The following KCNQ3 variants were observed in gnomAD, a reference collection of about 807,000 sequenced individuals.
The protein encoded by KCNQ3 is potassium voltage-gated channel subfamily Q member 3.
Under a neutral mutation model 92.5 loss-of-function variants are expected in KCNQ3, and 30 were observed. The observed-to-expected ratio is 0.32, with a 90% confidence interval of 0.24 to 0.44. The LOEUF (loss-of-function observed/expected upper bound fraction) is 0.44, where lower values mean the gene tolerates loss of function less well. Ranked by LOEUF, KCNQ3 falls within the 20% of genes least tolerant of loss-of-function variation. The pLI is 1.00. For synonymous variants in KCNQ3, 450 were observed against 468.8 expected (o/e 0.96, Z 0.52); for missense variants, 913 against 1,140.3 (o/e 0.80, Z 2.87).
intron 1 of KCNQ3, among the ~76,000 whole-genome samples, chr8:132,245,467 G>A (rs1476163757): frequency 1.3e-5 from 2 of 152,080 alleles, no homozygotes; most frequent in Non-Finnish European, 2.9e-5. Flanking sequence ...CATCTAATGT[G>A]TTTAGCATAT....
In KCNQ3 at chr8:132,193,034, A is replaced by G. The variant is rs1827204850; in HGVS notation, c.387-6853T>C. ...AGTTCTTTTCCTCTCCTTCTCCTGC[A>G]TCCTTTCCTCCACTGCTCCTCTCCT... is the stretch of plus-strand genomic sequence containing the variant. On this transcript the variant is annotated intron_variant, in intron 1 of 14. Transcript: ENST00000388996. 2.0e-5 allele frequency among the ~76,000 whole-genome samples: 3 copies of G among 151,922 alleles called. No homozygotes were observed. The South Asian group carries it at 6.2e-4, about 32-fold the overall frequency.
chr8:132,262,634 G>GTTTTTTT (rs10629932), intron 1 of KCNQ3, among the ~76,000 whole-genome samples: 1 of 141,818 alleles, frequency 7.1e-6, no homozygotes, highest in Non-Finnish European at 1.5e-5. Context: ...TCTTACAGCA[G>GTTTTTTT]TTTTTTTTTT....
intron 1 of KCNQ3, among the ~76,000 whole-genome samples, chr8:132,346,326 C>A (rs1818688417): frequency 6.6e-6 from 1 of 152,194 alleles, no homozygotes; most frequent in Admixed American, 6.5e-5. Context: ...TTTTCTCTGG[C>A]TACATTTCTT....
chr8:132,140,202 A>G lies in KCNQ3; in HGVS notation c.1466-24T>C, dbSNP rs758701384. 15 of 1,564,970 alleles carry G rather than the reference A, an allele frequency of 9.6e-6. No individual in the cohort carries two copies. In the Admixed American group the frequency reaches 2.3e-4, roughly 24 times the overall value. Reference sequence around the variant, plus strand: ...ATCTGGGAGGGAGACACACATATGAACGGCAGGCCACAGACCTGGAAAAGG... The same window carrying G: ...ATCTGGGAGGGAGACACACATATGAGCGGCAGGCCACAGACCTGGAAAAGG... On this transcript the variant is annotated intron_variant, in intron 10 of 14. Transcript: ENST00000388996.
intron 1 of KCNQ3, chr8:132,278,227 A>T: frequency 1.0e-6 from 1 of 984,838 alleles, no homozygotes; most frequent in Non-Finnish European, 1.2e-6. Context: ...CAAAATTAGC[A>T]TACAAAAGTA....
At chr8:132,447,218 A>G in intron 1 of KCNQ3, 1 of 1,535,658 alleles carries the variant, frequency 6.5e-7, no homozygotes, top group Non-Finnish European at 8.7e-7. Context: ...CGTGTTCTGC[A>G]GGCTTCATAA....
intron 1 of KCNQ3, among the ~76,000 whole-genome samples, chr8:132,333,881 C>T (rs1476644333): frequency 6.6e-6 from 1 of 151,958 alleles, no homozygotes; most frequent in African/African-American, 2.4e-5. Flanking sequence ...TTACAGGTGC[C>T]CACCACCATG....
At chr8:132,251,651 G>A (rs1224460479) in intron 1 of KCNQ3, among the ~76,000 whole-genome samples, 1 of 152,160 alleles carries the variant, frequency 6.6e-6, no homozygotes. Flanking sequence ...CTCCATTTAG[G>A]TTTCCATTTT....
At chr8:132,476,076 C>T (rs1308747968) in intron 1 of KCNQ3, among the ~76,000 whole-genome samples, 1 of 152,184 alleles carries the variant, frequency 6.6e-6, no homozygotes, top group African/African-American at 2.4e-5. Context: ...AAGCACTGAG[C>T]CTTGGTGGCT....
In KCNQ3 at chr8:132,451,229, C is replaced by T. The variant is rs546458620; in HGVS notation, c.386+28918G>A. 1.2e-4 allele frequency among the ~76,000 whole-genome samples: 19 copies of T among 152,344 alleles called. No homozygotes were observed. In the South Asian group the frequency reaches 2.1e-3, roughly 17 times the overall value. On this transcript the variant is annotated intron_variant, in intron 1 of 14. Coordinates refer to ENST00000388996, the MANE Select transcript of KCNQ3 (RefSeq NM_004519.4). ...CTGTCTTGCCTGCTGCCATGTAAAA[C>T]GTGACTTTGCTTCTCCTTTGCCTTC...
intron 1 of KCNQ3, among the ~76,000 whole-genome samples, chr8:132,260,364 G>A (rs548623283): frequency 1.4e-4 from 21 of 152,202 alleles, no homozygotes; most frequent in South Asian, 6.2e-4. Context: ...AAGGTTCTAC[G>A]TGTCAAACTT....
At chr8:132,169,269 G>A (rs1264170189) in intron 8 of KCNQ3, among the ~76,000 whole-genome samples, 2 of 152,096 alleles carry the variant, frequency 1.3e-5, no homozygotes, top group Admixed American at 1.3e-4. Flanking sequence ...TGAAAGTGGA[G>A]GCCAGATCTA....
intron 1 of KCNQ3, among the ~76,000 whole-genome samples, chr8:132,437,043 G>T (rs1417998376): frequency 1.3e-5 from 2 of 152,094 alleles, no homozygotes; most frequent in African/African-American, 4.8e-5. Flanking sequence ...ACTTTGGGAG[G>T]CCGAGGCGGG....
intron 9 of KCNQ3, among the ~76,000 whole-genome samples, chr8:132,142,447 G>C (rs1417023260): frequency 6.6e-6 from 1 of 152,104 alleles, no homozygotes; most frequent in African/African-American, 2.4e-5. Context: ...TCCAGGATTC[G>C]GCATAGAGTG....
intron 1 of KCNQ3, among the ~76,000 whole-genome samples, chr8:132,229,889 A>G (rs77090251): frequency 0.017 from 2,657 of 152,222 alleles, 42 homozygotes; most frequent in South Asian, 0.047. Context: ...CTATCAGGAG[A>G]CGTGGTGGAA....
intron 1 of KCNQ3, among the ~76,000 whole-genome samples, chr8:132,353,175 G>A (rs528232342): frequency 1.3e-5 from 2 of 152,042 alleles, no homozygotes; most frequent in Admixed American, 6.6e-5. Flanking sequence ...GCAGTGAGCC[G>A]AGATCGCGCC....
At chr8:132,184,405 G>A (rs1356012358) in intron 2 of KCNQ3, 38 bp from the exon 3 acceptor site, 6 of 1,610,662 alleles carry the variant, frequency 3.7e-6, no homozygotes, top group South Asian at 1.1e-5. Context: ...CTGATTAACC[G>A]AGATCCACTT....
chr8:132,300,691 C>G (rs1200506399), intron 1 of KCNQ3, among the ~76,000 whole-genome samples: 1 of 152,146 alleles, frequency 6.6e-6, no homozygotes, highest in Non-Finnish European at 1.5e-5. Context: ...GCAACATGCA[C>G]TAAAACAGAA....
At chr8:132,373,042 G>C (rs1409018841) in intron 1 of KCNQ3, among the ~76,000 whole-genome samples, 1 of 152,146 alleles carries the variant, frequency 6.6e-6, no homozygotes, top group Non-Finnish European at 1.5e-5. Context: ...TCAGTCCCTG[G>C]TTGGGATTCT....
Sources: gnomAD v4.1 joint callset for allele counts (sites outside exome capture counted in the v4.1 genomes callset) on GRCh38, gnomAD v4.1.1 for gene constraint, MANE v1.5 for transcripts, NCBI Gene and HGNC (gene_info 2026-07-23, HGNC 2026-07-21) for gene names.